The following PPFIBP2 variants were observed in gnomAD, a reference collection of about 807,000 sequenced individuals.
PPFIBP2 encodes PPFIB scaffold protein 2, also known as liprin-beta-2.
A neutral mutation model predicts 118.3 loss-of-function variants in PPFIBP2; 118 were observed. The observed-to-expected ratio is 1.00, with a 90% confidence interval of 0.86 to 1.16. The LOEUF (loss-of-function observed/expected upper bound fraction) is 1.16, where lower values mean the gene tolerates loss of function less well. Among genes scored for constraint, PPFIBP2 ranks in the 50% most tolerant of loss-of-function variants. The pLI is 0.00. For missense variants in PPFIBP2, 1,195 were observed against 1,073.1 expected (o/e 1.11, Z -1.59); for synonymous variants, 414 against 397.4 (o/e 1.04, Z -0.50).
At chr11:7,630,734 C>T (rs978108152) in intron 10 of PPFIBP2, among the ~76,000 whole-genome samples, 191 bp from the exon 11 acceptor site, 2 of 152,160 alleles carry the variant, frequency 1.3e-5, no homozygotes, top group African/African-American at 4.8e-5. Context: ...AAACTTTGAC[C>T]TTGAAATGAT....
chr11:7,562,488 CTATCA>C (rs1854413605), intron 2 of PPFIBP2, among the ~76,000 whole-genome samples: 1 of 152,126 alleles, frequency 6.6e-6, no homozygotes, highest in African/African-American at 2.4e-5. Context: ...CTGTCATATC[CTATCA>C]TTTCTGTCAT....
At chr11:7,634,021 G>A (rs571577488) in intron 12 of PPFIBP2, among the ~76,000 whole-genome samples, 3 of 152,244 alleles carry the variant, frequency 2.0e-5, no homozygotes, top group South Asian at 2.1e-4. Flanking sequence ...AGAGCAGAGT[G>A]TGGCAGGGTC....
At chr11:7,522,048 G>T (rs985478411) in intron 1 of PPFIBP2, among the ~76,000 whole-genome samples, 1 of 152,122 alleles carries the variant, frequency 6.6e-6, no homozygotes, top group Non-Finnish European at 1.5e-5. Flanking sequence ...GAAAAGACGT[G>T]GTAAAACTGT....
At chr11:7,655,409 A>G, downstream of PPFIBP2, 1 of 1,288,752 alleles carries the variant, frequency 7.8e-7, no homozygotes, top group South Asian at 1.2e-5. Context: ...ATGTGTGCTG[A>G]CCAGGCTGCT....
chr11:7,642,490 C>G, intron 17 of PPFIBP2, 64 bp downstream of exon 17: 1 of 1,531,516 alleles, frequency 6.5e-7, no homozygotes, highest in Non-Finnish European at 8.8e-7. Flanking sequence ...CCCTTCAAAC[C>G]TGCATGGGTG....
chr11:7,617,237 C>T (rs1019462741), intron 6 of PPFIBP2: 5 of 985,296 alleles, frequency 5.1e-6, no homozygotes, highest in East Asian at 1.1e-4. Context: ...CGGCCAGCGA[C>T]GGTGTGGCCG....
chr11:7,615,580 C>T (rs1167884121), intron 6 of PPFIBP2, among the ~76,000 whole-genome samples: 1 of 152,168 alleles, frequency 6.6e-6, no homozygotes, highest in East Asian at 1.9e-4. Flanking sequence ...TATTTGTTAG[C>T]TCCTAAATAT....
chr11:7,628,588 C>G (rs1356465266), intron 9 of PPFIBP2, among the ~76,000 whole-genome samples: 3 of 152,162 alleles, frequency 2.0e-5, no homozygotes, highest in East Asian at 3.8e-4. Flanking sequence ...CCTGCCTGTT[C>G]CTGCTGGTGT....
At chr11:7,654,361 G>A (rs920034495), downstream of PPFIBP2, among the ~76,000 whole-genome samples, 2 of 152,164 alleles carry the variant, frequency 1.3e-5, no homozygotes, top group African/African-American at 4.8e-5. Context: ...ACTCTAGTTT[G>A]CCCCCAGGCA....
At chr11:7,651,584 G>A (rs907137522) in intron 22 of PPFIBP2, 72 bp from the exon 23 acceptor site, 16 of 1,429,782 alleles carry the variant, frequency 1.1e-5, no homozygotes, top group East Asian at 6.9e-5. Flanking sequence ...CAACAGGCCA[G>A]TCTCTCAGCA....
At chr11:7,554,463 T>A (rs894562162) in intron 2 of PPFIBP2, among the ~76,000 whole-genome samples, 1 of 152,208 alleles carries the variant, frequency 6.6e-6, no homozygotes, top group East Asian at 1.9e-4. Flanking sequence ...TATCAATGTT[T>A]ATGTAATTAA....
chr11:7,566,858 TAG>T (rs1366068362), intron 3 of PPFIBP2, among the ~76,000 whole-genome samples: 5 of 152,276 alleles, frequency 3.3e-5, no homozygotes, highest in African/African-American at 1.2e-4. Context: ...GGTTAAAAAA[TAG>T]TTCCCATATT....
At chr11:7,641,834 T>A in intron 16 of PPFIBP2, 1 of 581,406 alleles carries the variant, frequency 1.7e-6, no homozygotes, top group Non-Finnish European at 3.0e-6. Flanking sequence ...GCCTTTCATG[T>A]CATGCATCCT....
In PPFIBP2 at chr11:7,650,920, G is replaced by C; in HGVS notation, c.2202G>C (p.Glu734Asp). Residue 734 changes from glutamate (E) to aspartate (D), a missense_variant, in exon 22 of 24, where the codon GAG becomes GAC. Coordinates refer to ENST00000299492, the MANE Select transcript of PPFIBP2 (RefSeq NM_003621.5). ...MEWLRSVDLA[E>D]YAPNLRGSGV... ...GGTTACGATCTGTGGACCTGGCAGA[G>C]TATGCACCCAATCTTCGAGGGAGTG... The C allele has an allele frequency of 6.2e-7, 1 of 1,614,122 alleles. No individual in the cohort carries two copies. Among genetic ancestry groups the C allele is most frequent in the Admixed American group, 1.7e-5 (1 of 60,026 alleles).
rs117800719 is a variant in PPFIBP2 at position 7,606,738 on chromosome 11, T to C, written c.487-3553T>C. Among the ~76,000 whole-genome samples, 300 of 152,200 alleles carry C rather than the reference T, an allele frequency of 2.0e-3. 13 individuals carry two copies. The East Asian group carries it at 0.053, about 27-fold the overall frequency. On this transcript the variant is annotated intron_variant, in intron 5 of 23. Coordinates refer to ENST00000299492, the MANE Select transcript of PPFIBP2 (RefSeq NM_003621.5). Reference sequence around the variant, plus strand: ...CATCAGCTGGAACCATTGGTATGACTAATCACAACCTGGTAGTTAAAATAG... The same window carrying C: ...CATCAGCTGGAACCATTGGTATGACCAATCACAACCTGGTAGTTAAAATAG...
chr11:7,529,613 G>A (rs1260175613), intron 1 of PPFIBP2, among the ~76,000 whole-genome samples: 3 of 152,180 alleles, frequency 2.0e-5, no homozygotes, highest in African/African-American at 7.2e-5. Context: ...AGCCATGAAC[G>A]TGGTCAAGAC....
chr11:7,529,611 A>G (rs1165334673), intron 1 of PPFIBP2, among the ~76,000 whole-genome samples: 2 of 152,180 alleles, frequency 1.3e-5, no homozygotes, highest in Non-Finnish European at 2.9e-5. Flanking sequence ...CCAGCCATGA[A>G]CGTGGTCAAG....
chr11:7,604,935 G>A (rs1847156690), intron 5 of PPFIBP2, among the ~76,000 whole-genome samples: 1 of 152,212 alleles, frequency 6.6e-6, no homozygotes, highest in South Asian at 2.1e-4. Context: ...GCCAAAGGCT[G>A]CTGGTTGACC....
chr11:7,556,189 C>G (rs1024318963), intron 2 of PPFIBP2, among the ~76,000 whole-genome samples: 1 of 152,212 alleles, frequency 6.6e-6, no homozygotes, highest in African/African-American at 2.4e-5. Context: ...GGTGCAGTGG[C>G]TAACGCTTGT....
Sources: allele counts gnomAD v4.1 joint callset (sites outside exome capture counted in the v4.1 genomes callset), GRCh38; gene constraint gnomAD v4.1.1; transcripts MANE v1.5; gene names NCBI Gene and HGNC (gene_info 2026-07-23, HGNC 2026-07-21).